ZNF521: variants seen among roughly 807,000 people sequenced by gnomAD.
ZNF521 encodes LYST-interacting protein 3.
Under a neutral mutation model 105.5 loss-of-function variants are expected in ZNF521, and 14 were observed. That is an observed-to-expected ratio of 0.13 (90% CI 0.09 to 0.21). ZNF521 has a LOEUF of 0.21. ZNF521 is among the 10% of genes least tolerant of loss of function. The probability of loss-of-function intolerance (pLI) is 1.00; values close to 1 mark genes in which losing one functional copy is unlikely to be tolerated. For synonymous variants in ZNF521, 635 were observed against 606.0 expected (o/e 1.05, Z -0.70); for missense variants, 1,233 against 1,629.7 (o/e 0.76, Z 4.19).
At chr18:25,289,451 C>T (rs974743127) in intron 3 of ZNF521, among the ~76,000 whole-genome samples, 1 of 151,870 alleles carries the variant, frequency 6.6e-6, no homozygotes, top group Non-Finnish European at 1.5e-5. Flanking sequence ...AAGGCGAGCA[C>T]GAAGTCGGCT....
At chr18:25,338,604 G>T (rs1283274468) in intron 2 of ZNF521, among the ~76,000 whole-genome samples, 1 of 152,042 alleles carries the variant, frequency 6.6e-6, no homozygotes, top group East Asian at 1.9e-4. Context: ...TAAAGATGGG[G>T]ATTCACCATG....
chr18:25,136,957 G>A (rs2034746317), intron 5 of ZNF521, among the ~76,000 whole-genome samples: 1 of 152,094 alleles, frequency 6.6e-6, no homozygotes, highest in Admixed American at 6.6e-5. Context: ...AACACAGGCA[G>A]GGAGGCCTGG....
At chr18:25,298,605 T>G (rs1268640257) in intron 3 of ZNF521, among the ~76,000 whole-genome samples, 1 of 152,200 alleles carries the variant, frequency 6.6e-6, no homozygotes, top group Non-Finnish European at 1.5e-5. Flanking sequence ...ATACTTTATA[T>G]TTTAAAAATG....
chr18:25,163,975 G>C (rs1025476834), intron 5 of ZNF521, among the ~76,000 whole-genome samples: 1 of 152,172 alleles, frequency 6.6e-6, no homozygotes, highest in Non-Finnish European at 1.5e-5. Context: ...GGAGAGGACA[G>C]ATCGAAATGT....
Position 25,209,497 on chromosome 18 carries a change from C to T in ZNF521, c.3574-14253G>A. On this transcript the variant is annotated intron_variant, in intron 4 of 7. Transcript: ENST00000361524. ...GAGACAATTTTTACTACGTTTTCCC[C>T]CCAGTATGTAAATACTGTGTATGTG... 1.3e-5 allele frequency among the ~76,000 whole-genome samples: 2 copies of T among 152,172 alleles called. 1 individual carries two copies. Among genetic ancestry groups the T allele is most frequent in the East Asian group, 3.8e-4 (2 of 5,198 alleles).
intron 3 of ZNF521, among the ~76,000 whole-genome samples, chr18:25,293,335 C>G (rs552993977): frequency 1.4e-5 from 2 of 145,034 alleles, no homozygotes; most frequent in Non-Finnish European, 3.0e-5. Context: ...GATTTTCTTG[C>G]TTGCACATGT....
At chr18:25,319,926 C>A (rs1385981010) in intron 3 of ZNF521, among the ~76,000 whole-genome samples, 1 of 152,204 alleles carries the variant, frequency 6.6e-6, no homozygotes, top group Middle Eastern at 3.4e-3. Flanking sequence ...ATCAGACAAA[C>A]CCAAATTGAT....
chr18:25,184,926 T>C (rs1406108633), intron 5 of ZNF521, among the ~76,000 whole-genome samples: 1 of 152,210 alleles, frequency 6.6e-6, no homozygotes, highest in Non-Finnish European at 1.5e-5. Context: ...GCAGAATCTC[T>C]GACTTCAATC....
chr18:25,245,297 A>G (rs977137283), intron 3 of ZNF521, among the ~76,000 whole-genome samples: 2 of 152,170 alleles, frequency 1.3e-5, no homozygotes, highest in African/African-American at 4.8e-5. Flanking sequence ...TTCACAGCAA[A>G]ATTGAGCAGA....
chr18:25,093,041 T>A (rs1441933065), intron 5 of ZNF521, among the ~76,000 whole-genome samples: 2 of 152,200 alleles, frequency 1.3e-5, no homozygotes, highest in Admixed American at 6.5e-5. Context: ...TCAGAACTGC[T>A]CAGAGACACA....
At chr18:25,189,796 C>G (rs1365260425) in intron 5 of ZNF521, among the ~76,000 whole-genome samples, 1 of 152,172 alleles carries the variant, frequency 6.6e-6, no homozygotes, top group Middle Eastern at 3.2e-3. Context: ...ACAAAAGTTA[C>G]GTTATAAACA....
chr18:25,090,164 A>T (rs1418400109), intron 6 of ZNF521, among the ~76,000 whole-genome samples: 10 of 152,332 alleles, frequency 6.6e-5, no homozygotes, highest in African/African-American at 1.9e-4. Context: ...AATGACTACA[A>T]AACAAGGCCC....
rs551734879 is a variant in ZNF521, at chr18:25,178,923, C to T, written c.3658+16237G>A. On this transcript the variant is annotated intron_variant, in intron 5 of 7. Transcript: ENST00000361524. ...GATTCAAGAAGTGTGAGTTTCTCTC[C>T]GTACACTAATGCACACTAGCTCTGT... is the stretch of plus-strand genomic sequence containing the variant. Among the ~76,000 whole-genome samples the T allele has an allele frequency of 5.3e-5, 8 of 152,070 alleles. No homozygotes were observed. The South Asian group carries it at 1.0e-3, about 20-fold the overall frequency.
At chr18:25,279,147 G>C (rs1910213162) in intron 3 of ZNF521, among the ~76,000 whole-genome samples, 1 of 152,144 alleles carries the variant, frequency 6.6e-6, no homozygotes, top group South Asian at 2.1e-4. Flanking sequence ...TGAGGAGGAA[G>C]GTGAAGAACA....
At chr18:25,234,792 A>C (rs955402690) in intron 3 of ZNF521, among the ~76,000 whole-genome samples, 1 of 152,160 alleles carries the variant, frequency 6.6e-6, no homozygotes, top group Non-Finnish European at 1.5e-5. Flanking sequence ...TTTCATATTG[A>C]GATTCTAAAA....
intron 5 of ZNF521, among the ~76,000 whole-genome samples, chr18:25,104,539 A>G (rs2034032475): frequency 6.6e-6 from 1 of 152,248 alleles, no homozygotes; most frequent in African/African-American, 2.4e-5. Context: ...CAGGACAGAA[A>G]GTGACCTATA....
chr18:25,088,468 C>T (rs2033674998), intron 7 of ZNF521, among the ~76,000 whole-genome samples: 2 of 151,972 alleles, frequency 1.3e-5, no homozygotes, highest in African/African-American at 4.8e-5. Flanking sequence ...ATCCTCCCAC[C>T]TCGGCCTCCC....
chr18:25,089,267 T>TA (rs1465658104), intron 7 of ZNF521, among the ~76,000 whole-genome samples, 198 bp downstream of exon 7: 3 of 152,232 alleles, frequency 2.0e-5, no homozygotes, highest in Admixed American at 1.3e-4. Context: ...TAGTTCTTTT[T>TA]ATGATTGACA....
intron 5 of ZNF521, among the ~76,000 whole-genome samples, chr18:25,174,508 C>T (rs1006091545): frequency 2.6e-5 from 4 of 152,254 alleles, no homozygotes; most frequent in South Asian, 2.1e-4. Context: ...GGGGAGACAG[C>T]GAGTGTTTGG....
Sources: allele counts gnomAD v4.1 joint callset (sites outside exome capture counted in the v4.1 genomes callset), GRCh38; gene constraint gnomAD v4.1.1; transcripts MANE v1.5; gene names NCBI Gene and HGNC (gene_info 2026-07-23, HGNC 2026-07-21).